Variants in FAM149A observed in about 807,000 individuals in gnomAD.
FAM149A encodes protein FAM149A.
Under a neutral mutation model 78.2 loss-of-function variants are expected in FAM149A, and 71 were observed. The ratio of observed to expected loss-of-function variants is 0.91; its 90% confidence interval spans 0.75 to 1.11. The LOEUF (loss-of-function observed/expected upper bound fraction) is 1.11. Among genes scored for constraint, FAM149A ranks in the 50% least tolerant of loss-of-function variants. The probability of loss-of-function intolerance (pLI) is 0.00; values close to 1 mark genes in which losing one functional copy is unlikely to be tolerated. For missense variants in FAM149A, 1,036 were observed against 971.0 expected, an observed-to-expected ratio of 1.07 and a Z score of -0.89; for synonymous variants, 446 against 410.5, an observed-to-expected ratio of 1.09 and a Z score of -1.04.
intron 1 of FAM149A, among the ~76,000 whole-genome samples, chr4:186,106,840 G>C (rs959147458): frequency 2.6e-5 from 4 of 152,166 alleles, no homozygotes; most frequent in South Asian, 2.1e-4. Flanking sequence ...CCAGCTACTC[G>C]GAAGGCTGAG....
intron 7 of FAM149A, among the ~76,000 whole-genome samples, chr4:186,156,402 G>C (rs922075467): frequency 6.6e-6 from 1 of 152,034 alleles, no homozygotes; most frequent in Non-Finnish European, 1.5e-5. Flanking sequence ...GGCTGGGTGC[G>C]GTGGCTCACG....
rs1366710062 is a variant in FAM149A, at chr4:186,105,651, C to T, written c.566+9C>T. ...TCCGGGGATGGCGAAGCGTGAGTAG[C>T]AGCGTGGTCCGGGCGCGTGTACCTT... On this transcript the variant is annotated intron_variant, in intron 1 of 13. Coordinates refer to ENST00000389354, the MANE Select transcript of FAM149A (RefSeq NM_001367768.3). 5 of 1,058,928 alleles carry T rather than the reference C, an allele frequency of 4.7e-6. No individual in the cohort carries two copies. The highest frequency in any genetic ancestry group is 5.7e-6 in the Non-Finnish European group (5 of 871,964). 65.6% of individuals were successfully genotyped at this position (1,058,928 alleles called of 1,614,324 possible).
chr4:186,143,999 C>CA (rs1262089174), intron 1 of FAM149A: 1 of 152,256 alleles, frequency 6.6e-6, no homozygotes, highest in Admixed American at 6.5e-5. Context: ...CCTCAGCTCT[C>CA]AAAAGAGACT....
Position 186,144,803 on chromosome 4 carries a change from CAGGGAGGAGG to C in FAM149A, c.567-4365_567-4356del. On this transcript the variant is annotated intron_variant, in intron 1 of 13. Transcript: ENST00000389354. The surrounding 1 kb of genome is among the most constrained non-coding windows in gnomAD (Gnocchi z 4.2). ...TTAGCTGGCGGGCGAGGGCGCAGCG[CAGGGAGGAGG>C]AGGGGAGGCGGCGCCGGCGCGGGCG... 3.1e-6 allele frequency: 3 copies of C among 980,472 alleles called. No individual in the cohort carries two copies. The highest frequency in any genetic ancestry group is 3.6e-6 in the Non-Finnish European group (3 of 826,518). The allele number at this position is 980,472 out of a possible 1,614,324, so 60.7% of individuals were successfully genotyped here.
At chr4:186,110,059 T>A (rs2099310561) in intron 1 of FAM149A, 1 of 985,322 alleles carries the variant, frequency 1.0e-6, no homozygotes, top group Non-Finnish European at 1.2e-6. Flanking sequence ...ACCCTGTGAT[T>A]TATATTCACA....
chr4:186,134,657 TGCTGGTGTTCC>T (rs2099322018), intron 1 of FAM149A, among the ~76,000 whole-genome samples: 1 of 152,210 alleles, frequency 6.6e-6, no homozygotes, highest in African/African-American at 2.4e-5. Context: ...AAGGGTGTTC[TGCTGGTGTTCC>T]CACCCAAAGA....
In FAM149A at chr4:186,172,914, C is replaced by T. The variant is rs184768637; in HGVS notation, c.*927C>T. Among the ~76,000 whole-genome samples, 1,246 of 111,998 alleles carry T rather than the reference C, an allele frequency of 0.011. 414 individuals are homozygous for T. The highest frequency in any genetic ancestry group is 0.02 in the Non-Finnish European group (868 of 44,330). 73.5% of individuals were successfully genotyped at this position (111,998 alleles called of 152,430 possible). The stretch of plus-strand genomic sequence containing the variant: ...GGAAGGGGAATTAGCAGAGATGAGG[C>T]TCCAGGCATGTCTTCCTCTTGTCCC... On this transcript the variant is annotated 3_prime_UTR_variant, in exon 14 of 14. Coordinates refer to ENST00000389354, the MANE Select transcript of FAM149A (RefSeq NM_001367768.3).
In FAM149A at chr4:186,104,733, G is replaced by A. The variant is rs1275114705; in HGVS notation, c.-344G>A. On this transcript the variant is annotated 5_prime_UTR_variant, in exon 1 of 14. Transcript: ENST00000389354. Reference sequence around the variant, plus strand: ...TGGAGCGCGGCCGGGTGTGTTGAACGTAGCAACCGCGGGCGGCGGGCGGCG... The same window carrying A: ...TGGAGCGCGGCCGGGTGTGTTGAACATAGCAACCGCGGGCGGCGGGCGGCG... Among the ~76,000 whole-genome samples, 1 of 131,506 alleles carries A rather than the reference G, an allele frequency of 7.6e-6. No homozygotes were observed. Among genetic ancestry groups the A allele is most frequent in the Non-Finnish European group, 1.6e-5 (1 of 61,650 alleles). The allele number at this position is 131,506 out of a possible 152,430, so 86.3% of individuals were successfully genotyped here. A position where few individuals can be genotyped will look rare whatever the true frequency, so the allele number is the denominator to read the frequency against.
intron 4 of FAM149A, 49 bp downstream of exon 4, chr4:186,152,094 C>T (rs1427145528): frequency 6.3e-7 from 1 of 1,581,834 alleles, no homozygotes. Context: ...TCCAAGCACC[C>T]ACCCCTGACC....
At chr4:186,131,956 G>A (rs1295251612) in intron 1 of FAM149A, 2 of 985,322 alleles carry the variant, frequency 2.0e-6, no homozygotes, top group Non-Finnish European at 2.4e-6. Flanking sequence ...GTAGTTAATT[G>A]TTGGGAAAAA....
intron 8 of FAM149A, 53 bp downstream of exon 8, chr4:186,157,772 C>T (rs1392319312): frequency 4.4e-6 from 7 of 1,573,410 alleles, no homozygotes; most frequent in Non-Finnish European, 4.3e-6. Flanking sequence ...GTGTCTGTCA[C>T]CTCAGTTTGT....
At chr4:186,117,502 C>G (rs1264050822) in intron 1 of FAM149A, 1 of 985,254 alleles carries the variant, frequency 1.0e-6, no homozygotes, top group Non-Finnish European at 1.2e-6. Flanking sequence ...TGTCAGGGGT[C>G]TGAGTTCTAA....
rs1561400443 is a variant in FAM149A at position 186,144,723 on chromosome 4, C to CGGGGCG, written c.567-4445_567-4444insGGGGGC. 1 of 198,896 alleles carries CGGGGCG rather than the reference C, an allele frequency of 5.0e-6. No individual in the cohort carries two copies. The highest frequency in any genetic ancestry group is 5.6e-6 in the Non-Finnish European group (1 of 178,118). The allele number at this position is 198,896 out of a possible 1,614,324, so 12.3% of individuals were successfully genotyped here. On this transcript the variant is annotated intron_variant, in intron 1 of 13. Coordinates refer to ENST00000389354, the MANE Select transcript of FAM149A (RefSeq NM_001367768.3). The surrounding 1 kb of genome is among the most constrained non-coding windows in gnomAD (Gnocchi z 4.2). ...AGGCGCGCTTTCCCGGAGGTCGGCG[C>CGGGGCG]GGGGCCGGGGCCGGGGCCGGGGCCC...
At position 186,167,090 on chromosome 4, in the gene FAM149A, G is replaced by A. The variant is rs145714089; in HGVS notation, c.2133G>A (p.Thr711=). The A allele has an allele frequency of 6.1e-5, 99 of 1,612,542 alleles. No homozygotes were observed. The African/African-American group carries it at 1.1e-3, about 17-fold the overall frequency. ...TGTCAAGGCCCAGCACAACCCACAC[G>A]TTCCGGGTGGGTTCTCTGTTTCCTG... The change falls in exon 12 of 14, where the codon ACG becomes ACA. Residue 711 remains threonine (T), a synonymous_variant. Coordinates refer to ENST00000389354, the MANE Select transcript of FAM149A (RefSeq NM_001367768.3).
rs181964852 is a variant in FAM149A at position 186,138,772 on chromosome 4, A to C, written c.567-10401A>C. On this transcript the variant is annotated intron_variant, in intron 1 of 13. Coordinates refer to ENST00000389354, the MANE Select transcript of FAM149A (RefSeq NM_001367768.3). ...AGTGCCTTTCTCATTGCCTCATTGCAAGGGTGCGTGTCAACATGACACATC... is the reference window on the plus strand; with the variant it reads ...AGTGCCTTTCTCATTGCCTCATTGCCAGGGTGCGTGTCAACATGACACATC... Among the ~76,000 whole-genome samples the C allele has an allele frequency of 3.2e-4, 49 of 152,272 alleles. 1 individual carries two copies. Among genetic ancestry groups the C allele is most frequent in the Admixed American group, 7.2e-4 (11 of 15,304 alleles).
Position 186,106,312 on chromosome 4 carries a change from A to C in FAM149A, c.566+670A>C, listed in dbSNP as rs34488418. ...GGAGGCCGATTCCCTCAACACACAC[A>C]CACCCACACAACACCCCTTTCACTT... On this transcript the variant is annotated intron_variant, in intron 1 of 13. Transcript: ENST00000389354. 3.3e-3 allele frequency among the ~76,000 whole-genome samples: 508 copies of C among 152,050 alleles called. 3 individuals carry two copies. Among genetic ancestry groups the C allele is most frequent in the East Asian group, 0.014 (72 of 5,166 alleles).
intron 1 of FAM149A, among the ~76,000 whole-genome samples, chr4:186,116,099 C>T (rs565828011): frequency 4.8e-5 from 1 of 20,902 alleles, no homozygotes; most frequent in Non-Finnish European, 1.2e-4. Flanking sequence ...TCTCCTGGCG[C>T]GCCGTTTTTT....
chr4:186,135,120 G>A (rs1289095446), intron 1 of FAM149A, among the ~76,000 whole-genome samples: 1 of 152,166 alleles, frequency 6.6e-6, no homozygotes, highest in Non-Finnish European at 1.5e-5. Context: ...GTTTTTACGA[G>A]CTCTCTGGTG....
intron 8 of FAM149A, chr4:186,160,867 T>G (rs1734553378): frequency 2.0e-6 from 2 of 985,364 alleles, no homozygotes; most frequent in South Asian, 9.4e-5. Context: ...GACTACTAGT[T>G]CTGGGCTTGA....
Sources: allele counts gnomAD v4.1 joint callset (sites outside exome capture counted in the v4.1 genomes callset), GRCh38; gene constraint gnomAD v4.1.1; non-coding constraint Gnocchi (gnomAD v3.1); transcripts MANE v1.5; gene names NCBI Gene and HGNC (gene_info 2026-07-23, HGNC 2026-07-21).